The following IQGAP2 variants were observed in gnomAD, a reference collection of about 807,000 sequenced individuals.
IQGAP2 encodes the protein IQ motif containing GTPase activating protein 2.
IQGAP2 carries 173 observed loss-of-function variants against 201.3 expected under a neutral mutation model. The ratio of observed to expected loss-of-function variants is 0.86; its 90% CI spans 0.76 to 0.98. The LOEUF is 0.98. Among genes scored for constraint, IQGAP2 ranks in the 50% least tolerant of loss-of-function variants. The probability of loss-of-function intolerance (pLI) is 0.00; values close to 1 mark genes in which losing one functional copy is unlikely to be tolerated. For synonymous variants in IQGAP2, 675 were observed against 673.9 expected, an observed-to-expected ratio of 1.00 and a Z score of -0.03; for missense variants, 1,687 against 1,864.8, an observed-to-expected ratio of 0.90 and a Z score of 1.76.
intron 27 of IQGAP2, among the ~76,000 whole-genome samples, chr5:76,675,714 C>T (rs1436805891): frequency 6.6e-6 from 1 of 152,108 alleles, no homozygotes; most frequent in African/African-American, 2.4e-5. Flanking sequence ...TCCTCGGTCT[C>T]CCTTGGAGTG....
chr5:76,650,625 C>CT (rs1335980605), intron 17 of IQGAP2, among the ~76,000 whole-genome samples: 3 of 152,186 alleles, frequency 2.0e-5, no homozygotes, highest in South Asian at 4.1e-4. Context: ...TTACTTTACT[C>CT]TTTTTTTATA....
At position 76,506,489 on chromosome 5, in the gene IQGAP2, T is replaced by A. The variant is rs1757613517; in HGVS notation, c.146+44820T>A. On this transcript the variant is annotated intron_variant, in intron 2 of 35. Transcript: ENST00000274364. ...TAGGCACAAATCTATGCATCTTATT[T>A]GGATTTGACATAACAGTTAAGACAA... 2.6e-5 allele frequency among the ~76,000 whole-genome samples: 4 copies of A among 152,234 alleles called. No individual in the cohort carries two copies. The South Asian group carries it at 8.3e-4, about 31-fold the overall frequency.
chr5:76,496,758 TTTC>T (rs765262281), intron 2 of IQGAP2, among the ~76,000 whole-genome samples: 3,707 of 69,764 alleles, frequency 0.053, 142 homozygotes, highest in Non-Finnish European at 0.061. Context: ...TCTTTCTTTC[TTTC>T]TTTCTTTCTT....
At chr5:76,415,942 CAA>C (rs11394699) in intron 1 of IQGAP2, among the ~76,000 whole-genome samples, 177 of 135,654 alleles carry the variant, frequency 1.3e-3, no homozygotes, top group Non-Finnish European at 1.5e-3. Flanking sequence ...GTAACTGTCT[CAA>C]AAAAAAAAAA....
chr5:76,504,192 C>T (rs1757462824), intron 2 of IQGAP2, among the ~76,000 whole-genome samples: 1 of 152,142 alleles, frequency 6.6e-6, no homozygotes, highest in African/African-American at 2.4e-5. Context: ...GTTCCTTTCA[C>T]CCAGTACTCT....
chr5:76,703,310 C>A (rs1490580881), intron 35 of IQGAP2, among the ~76,000 whole-genome samples: 2 of 152,116 alleles, frequency 1.3e-5, no homozygotes, highest in African/African-American at 4.8e-5. Flanking sequence ...CACACACCAC[C>A]ACATCTGGCT....
chr5:76,651,769 A>G (rs563714358), intron 17 of IQGAP2, among the ~76,000 whole-genome samples: 2 of 151,512 alleles, frequency 1.3e-5, no homozygotes, highest in South Asian at 4.2e-4. Flanking sequence ...CCTTCTAGGG[A>G]CTTGGACTGA....
intron 2 of IQGAP2, among the ~76,000 whole-genome samples, chr5:76,508,699 TG>T (rs202152184): frequency 2.6e-5 from 4 of 151,522 alleles, no homozygotes; most frequent in Admixed American, 6.6e-5. Context: ...TGTTTTGTTT[TG>T]TTTTTTTTTT....
At chr5:76,690,931 C>T (rs770193322) in intron 30 of IQGAP2, among the ~76,000 whole-genome samples, 34 of 152,194 alleles carry the variant, frequency 2.2e-4, no homozygotes, top group Non-Finnish European at 3.7e-4. Context: ...CCAGACCTCA[C>T]AGAAGGCTTT....
chr5:76,420,798 C>G (rs777309911), intron 1 of IQGAP2, among the ~76,000 whole-genome samples: 1 of 152,192 alleles, frequency 6.6e-6, no homozygotes, highest in South Asian at 2.1e-4. Flanking sequence ...TTTGACTGCT[C>G]CAAGTACCTC....
rs181903190 is a variant in IQGAP2, at chr5:76,556,388, C to G, written c.147-6008C>G. On this transcript the variant is annotated intron_variant, in intron 2 of 35. Coordinates refer to ENST00000274364, the MANE Select transcript of IQGAP2 (RefSeq NM_006633.5). ...TTGAACATGTCTACTCCTTAGTTCC[C>G]GCTGGCATTCACCTGTGCAAGCTCC... Among the ~76,000 whole-genome samples, 94 of 152,218 alleles carry G rather than the reference C, an allele frequency of 6.2e-4. 1 individual carries two copies. The highest frequency in any genetic ancestry group is 2.0e-3 in the African/African-American group (83 of 41,532).
At chr5:76,416,517 A>G (rs1751411452) in intron 1 of IQGAP2, among the ~76,000 whole-genome samples, 1 of 150,496 alleles carries the variant, frequency 6.6e-6, no homozygotes, top group South Asian at 2.1e-4. Flanking sequence ...GATATTGGGT[A>G]TAAGTTCTTT....
rs1313758439 is a variant in IQGAP2 at position 76,641,064 on chromosome 5, A to G, written c.2055A>G (p.Ser685=). ...GGGAAGAGTTTGAAGCTAGAAAATC[A>G]TTTTTGCATGAACAAGAAGAGAATG... is the stretch of plus-strand genomic sequence containing the variant. ...ILREEFEARK[S]FLHEQEENVV... The change falls in exon 17 of 36, where the codon TCA becomes TCG. Residue 685 remains serine (S), a synonymous_variant. Coordinates refer to ENST00000274364, the MANE Select transcript of IQGAP2 (RefSeq NM_006633.5). 6.2e-7 allele frequency: 1 copy of G among 1,608,190 alleles called. No individual in the cohort carries two copies. Among genetic ancestry groups the G allele is most frequent in the Admixed American group, 1.7e-5 (1 of 59,908 alleles).
chr5:76,499,994 G>A (rs1757188570), intron 2 of IQGAP2, among the ~76,000 whole-genome samples: 1 of 152,138 alleles, frequency 6.6e-6, no homozygotes, highest in South Asian at 2.1e-4. Context: ...TGTAGTCCCA[G>A]CTACCTGGGA....
chr5:76,662,867 C>T (rs1322993402), intron 21 of IQGAP2, among the ~76,000 whole-genome samples: 4 of 152,210 alleles, frequency 2.6e-5, no homozygotes, highest in African/African-American at 7.2e-5. Flanking sequence ...CAACTCCCCT[C>T]CCTCCTTCTC....
At chr5:76,644,534 G>A (rs1751874165) in intron 17 of IQGAP2, among the ~76,000 whole-genome samples, 1 of 151,776 alleles carries the variant, frequency 6.6e-6, no homozygotes, top group Admixed American at 6.6e-5. Flanking sequence ...TCTTGGCCTC[G>A]AGTGATCTGC....
chr5:76,448,041 G>A (rs1003177197), intron 1 of IQGAP2, among the ~76,000 whole-genome samples: 1 of 152,140 alleles, frequency 6.6e-6, no homozygotes, highest in Non-Finnish European at 1.5e-5. Context: ...GGGGATGTGT[G>A]GAGGTCCAGA....
rs80194933 is a variant in IQGAP2, at chr5:76,679,121, T to C, written c.3660+1771T>C. On this transcript the variant is annotated intron_variant, in intron 28 of 35. Transcript: ENST00000274364. ...CTGTTTTTGTGGTACATTATCTGTC[T>C]TCAAAGAATATGTACATCTTGGGTG... is the stretch of plus-strand genomic sequence containing the variant. Among the ~76,000 whole-genome samples the C allele has an allele frequency of 9.0e-3, 1,368 of 152,330 alleles. 19 individuals are homozygous for C. Among genetic ancestry groups the C allele is most frequent in the African/African-American group, 0.03 (1,259 of 41,570 alleles).
Position 76,495,716 on chromosome 5 carries a change from C to T in IQGAP2, c.146+34047C>T, listed in dbSNP as rs140574410. On this transcript the variant is annotated intron_variant, in intron 2 of 35. Transcript: ENST00000274364. ...GGCCTCAGGGAACTTACAATCATGG[C>T]GGAAGGTGAAGAGGTAGCCTGTGTA... Among the ~76,000 whole-genome samples, 7 of 152,190 alleles carry T rather than the reference C, an allele frequency of 4.6e-5. No individual in the cohort carries two copies. The South Asian group carries it at 1.0e-3, about 23-fold the overall frequency.
Sources: allele counts gnomAD v4.1 joint callset (sites outside exome capture counted in the v4.1 genomes callset), GRCh38; gene constraint gnomAD v4.1.1; transcripts MANE v1.5; gene names NCBI Gene and HGNC (gene_info 2026-07-23, HGNC 2026-07-21).